Variants in COL28A1 observed in about 807,000 individuals in gnomAD.
COL28A1 encodes collagen type XXVIII alpha 1 chain.
Under a neutral mutation model 150.2 loss-of-function variants are expected in COL28A1, and 161 were observed. The observed-to-expected ratio is 1.07, with a 90% CI of 0.94 to 1.22. The LOEUF is 1.22. Among genes scored for constraint, COL28A1 ranks in the 50% most tolerant of loss-of-function variants. The probability of loss-of-function intolerance (pLI) is 0.00; values close to 1 mark genes in which losing one functional copy is unlikely to be tolerated. For missense variants in COL28A1, 1,617 were observed against 1,388.3 expected, an observed-to-expected ratio of 1.16 and a Z score of -2.62; for synonymous variants, 552 against 469.7, an observed-to-expected ratio of 1.18 and a Z score of -2.26.
intron 15 of COL28A1, among the ~76,000 whole-genome samples, chr7:7,467,871 G>A (rs1788161814): frequency 1.4e-5 from 2 of 145,160 alleles, no homozygotes; most frequent in Non-Finnish European, 1.5e-5. Flanking sequence ...GGTACATAAC[G>A]AAATGAAGGC....
At chr7:7,519,996 G>T (rs908430329) in intron 6 of COL28A1, 66 bp downstream of exon 6, 2 of 810,182 alleles carry the variant, frequency 2.5e-6, no homozygotes, top group Non-Finnish European at 4.2e-6. Context: ...TTTTAAAATT[G>T]TTGTTTTAAA....
At chr7:7,435,650 T>C (rs1361228838) in intron 23 of COL28A1, among the ~76,000 whole-genome samples, 1 of 152,228 alleles carries the variant, frequency 6.6e-6, no homozygotes, top group African/African-American at 2.4e-5. Flanking sequence ...TCATATTTTA[T>C]TTAAAAAATG....
chr7:7,489,418 G>A lies in COL28A1; in HGVS notation c.1135C>T (p.Pro379Ser), dbSNP rs751886088. The A allele has an allele frequency of 6.8e-7, 1 of 1,467,562 alleles. No individual in the cohort carries two copies. 90.9% of individuals were successfully genotyped at this position (1,467,562 alleles called of 1,614,324 possible). A position where few individuals can be genotyped will look rare whatever the true frequency, so the allele number is the denominator to read the frequency against. The change falls in exon 13 of 35, where the codon CCC becomes TCC. Residue 379 changes from proline (P) to serine (S), a missense_variant. Pro to Ser is a moderately conservative substitution (Grantham distance 74). Transcript: ENST00000399429. The part of the protein sequence containing the change: ...GQEGRPGAPG[P>S]IGVGEPGQPG... ...TGTCCAGGCTCACCAACTCCAATGG[G>A]TCCTGGAGCTCCCGGTCTTCCTTCT...
chr7:7,483,565 G>A (rs966191020), intron 13 of COL28A1, among the ~76,000 whole-genome samples: 24 of 152,248 alleles, frequency 1.6e-4, no homozygotes, highest in Admixed American at 8.5e-4. Flanking sequence ...AACCCCTGGA[G>A]TACAAAAGAG....
At chr7:7,500,228 A>G (rs1194707029) in intron 11 of COL28A1, among the ~76,000 whole-genome samples, 1 of 152,178 alleles carries the variant, frequency 6.6e-6, no homozygotes, top group Non-Finnish European at 1.5e-5. Context: ...ATATTGCCAA[A>G]TTAAGTTACC....
intron 27 of COL28A1, among the ~76,000 whole-genome samples, chr7:7,398,660 A>G (rs1254156916): frequency 6.6e-6 from 1 of 152,208 alleles, no homozygotes; most frequent in Non-Finnish European, 1.5e-5. Context: ...CCTCCTATCT[A>G]AACAGCTATC....
At chr7:7,447,197 A>C (rs1377533998) in intron 18 of COL28A1, among the ~76,000 whole-genome samples, 1 of 152,186 alleles carries the variant, frequency 6.6e-6, no homozygotes, top group Admixed American at 6.5e-5. Context: ...TCTGTTTTCA[A>C]GTAACTAAAA....
intron 11 of COL28A1, among the ~76,000 whole-genome samples, chr7:7,501,498 A>G (rs1337273575): frequency 6.6e-6 from 1 of 152,050 alleles, no homozygotes; most frequent in Non-Finnish European, 1.5e-5. Flanking sequence ...GATTTGCATG[A>G]GATTTGAGAA....
chr7:7,371,858 A>C (rs1781237608), intron 32 of COL28A1, among the ~76,000 whole-genome samples: 1 of 152,030 alleles, frequency 6.6e-6, no homozygotes, highest in Admixed American at 6.5e-5. Flanking sequence ...TTTGAGACAG[A>C]GTCTCGCTCT....
In COL28A1 at chr7:7,507,120, A is replaced by G. The variant is rs775379184; in HGVS notation, c.969T>C (p.Ile323=). The G allele has an allele frequency of 1.8e-5, 23 of 1,251,742 alleles. No individual in the cohort carries two copies. The highest frequency in any genetic ancestry group is 3.4e-5 in the Admixed American group (2 of 59,090). 77.5% of individuals were successfully genotyped at this position (1,251,742 alleles called of 1,614,324 possible). ...GATTTGGTTTTAACCCCCTTACCTG[A>G]ATTCCTCTGGGTCCCTTTGGTCCAT... ...GPYGPKGPRG[I]QGITGPPGDP... The change falls in exon 10 of 35, where the codon ATT becomes ATC. Residue 323 remains isoleucine, a synonymous_variant. Coordinates refer to ENST00000399429, the MANE Select transcript of COL28A1 (RefSeq NM_001037763.3).
Position 7,417,946 on chromosome 7 carries a change from A to T in COL28A1, c.2068-19T>A. Reference sequence around the variant, plus strand: ...TATCACCCTGTTAGAAGATGGGGAGAATTTGAAGACAAAATGTAAGAAGAT... The same window carrying T: ...TATCACCCTGTTAGAAGATGGGGAGTATTTGAAGACAAAATGTAAGAAGAT... On this transcript the variant is annotated intron_variant, in intron 26 of 34. Coordinates refer to ENST00000399429, the MANE Select transcript of COL28A1 (RefSeq NM_001037763.3). The T allele has an allele frequency of 6.3e-7, 1 of 1,592,390 alleles. No homozygotes were observed. Among genetic ancestry groups the T allele is most frequent in the South Asian group, 1.1e-5 (1 of 88,334 alleles).
intron 27 of COL28A1, among the ~76,000 whole-genome samples, chr7:7,404,170 G>T (rs968078741): frequency 1.3e-5 from 2 of 152,006 alleles, no homozygotes; most frequent in Admixed American, 1.3e-4. Context: ...ATAGAACATG[G>T]TTCAGAAATC....
At chr7:7,477,609 C>T (rs1366398240) in intron 13 of COL28A1, among the ~76,000 whole-genome samples, 1 of 152,148 alleles carries the variant, frequency 6.6e-6, no homozygotes, top group Admixed American at 6.5e-5. Context: ...GTTGTGTTCC[C>T]AGTTTCTTCT....
At chr7:7,381,123 GAC>G (rs909678519) in intron 28 of COL28A1, among the ~76,000 whole-genome samples, 1 of 152,120 alleles carries the variant, frequency 6.6e-6, no homozygotes. Flanking sequence ...CACCTTTCAG[GAC>G]ATACAATTAT....
At chr7:7,351,823 G>GC (rs1724060797), downstream of COL28A1, among the ~76,000 whole-genome samples, 1 of 151,754 alleles carries the variant, frequency 6.6e-6, no homozygotes, top group Non-Finnish European at 1.5e-5. Flanking sequence ...AAATTCCAAG[G>GC]CCCCCCTCTA....
chr7:7,402,474 G>C (rs1490844487), intron 27 of COL28A1, among the ~76,000 whole-genome samples: 1 of 152,122 alleles, frequency 6.6e-6, no homozygotes. Flanking sequence ...GCAAATGAGA[G>C]ACTGCATGTA....
intron 25 of COL28A1, among the ~76,000 whole-genome samples, chr7:7,423,958 T>TA: frequency 6.6e-6 from 1 of 152,328 alleles, no homozygotes; most frequent in African/African-American, 2.4e-5. Flanking sequence ...GAATTTAAGA[T>TA]GTGTTCCATG....
At chr7:7,539,657 G>C (rs1562984788), upstream of COL28A1, among the ~76,000 whole-genome samples, 1 of 152,172 alleles carries the variant, frequency 6.6e-6, no homozygotes, top group Non-Finnish European at 1.5e-5. Context: ...TAAAATACAG[G>C]ATGTGGCATT....
At chr7:7,436,794 C>T (rs557254331) in intron 22 of COL28A1, among the ~76,000 whole-genome samples, 1 of 152,340 alleles carries the variant, frequency 6.6e-6, no homozygotes, top group South Asian at 2.1e-4. Flanking sequence ...AATTCCAACA[C>T]CTTGGGAGGC....
Sources: allele counts gnomAD v4.1 joint callset (sites outside exome capture counted in the v4.1 genomes callset), GRCh38; gene constraint gnomAD v4.1.1; transcripts MANE v1.5; gene names NCBI Gene and HGNC (gene_info 2026-07-23, HGNC 2026-07-21).